The following ADARB1 variants were observed in gnomAD, a reference collection of about 807,000 sequenced individuals.
The protein encoded by ADARB1 is adenosine deaminase RNA specific B1.
Under a neutral mutation model 52.4 loss-of-function variants are expected in ADARB1, and 10 were observed. That is an observed-to-expected ratio of 0.19 (90% CI 0.12 to 0.32). The LOEUF is 0.32. ADARB1 is among the 10% of genes least tolerant of loss of function. ADARB1 has a pLI of 1.00. For synonymous variants in ADARB1, 349 were observed against 371.1 expected (o/e 0.94, Z 0.68); for missense variants, 643 against 922.3 (o/e 0.70, Z 3.92).
chr21:45,215,178 G>T (rs1466591945), intron 9 of ADARB1, among the ~76,000 whole-genome samples: 1 of 152,148 alleles, frequency 6.6e-6, no homozygotes, highest in Non-Finnish European at 1.5e-5. Flanking sequence ...CTCCTGAGTA[G>T]CTGGGACTAC....
intron 2 of ADARB1, among the ~76,000 whole-genome samples, chr21:45,140,683 T>A (rs2089673090): frequency 6.6e-6 from 1 of 152,168 alleles, no homozygotes; most frequent in Non-Finnish European, 1.5e-5. Flanking sequence ...GCCAGTTTCC[T>A]TCAGAAAGCT....
chr21:45,176,570 A>C lies in ADARB1; in HGVS notation c.869A>C (p.Gln290Pro). 1.2e-6 allele frequency: 2 copies of C among 1,614,210 alleles called. No homozygotes were observed. Among genetic ancestry groups the C allele is most frequent in the Non-Finnish European group, 1.7e-6 (2 of 1,180,036 alleles). Reference protein sequence around the residue: ...NKKLAKARAAQSALAAIFNLH... With the variant: ...NKKLAKARAAPSALAAIFNLH... ...AAGCTTGCCAAGGCCCGGGCTGCGC[A>C]GTCTGCCCTGGCCGCCATTTTTAAC... The change falls in exon 4 of 11, where the codon CAG (glutamine) becomes CCG (proline). Residue 290 changes from glutamine (Q) to proline (P), a missense_variant. Physicochemically the swap from Gln to Pro is moderately conservative, Grantham distance 76 (BLOSUM62 -1). Around this residue, in one of 2 missense-constraint regions of ADARB1, gnomAD observed 380 missense variants for 446.5 expected, o/e 0.85. Transcript: ENST00000348831. The surrounding 1 kb of genome is among the most constrained non-coding windows in gnomAD (Gnocchi z 5.8).
chr21:45,168,008 A>G (rs941099229), intron 2 of ADARB1, among the ~76,000 whole-genome samples: 8 of 151,440 alleles, frequency 5.3e-5, no homozygotes, highest in Non-Finnish European at 1.2e-4. Flanking sequence ...GGCTGTCACT[A>G]TCTTTAAAGC....
chr21:45,168,638 A>G (rs1023571138), intron 2 of ADARB1, among the ~76,000 whole-genome samples: 1 of 152,148 alleles, frequency 6.6e-6, no homozygotes, highest in African/African-American at 2.4e-5. Context: ...TCTCTGTGCT[A>G]TCCTCTTGTG....
chr21:45,194,313 G>C (rs983157), intron 8 of ADARB1, among the ~76,000 whole-genome samples: 81,018 of 151,972 alleles, frequency 0.53, 21,789 homozygotes, highest in South Asian at 0.57. Context: ...TTTACAATGG[G>C]GCTCACTCTT....
At chr21:45,084,441 TAGG>T (rs989505765) in intron 1 of ADARB1, among the ~76,000 whole-genome samples, 1 of 152,110 alleles carries the variant, frequency 6.6e-6, no homozygotes, top group African/African-American at 2.4e-5. Flanking sequence ...TAAGCGGGCT[TAGG>T]AGGCAGGATT....
intron 4 of ADARB1, among the ~76,000 whole-genome samples, chr21:45,178,690 C>A (rs2091803292): frequency 6.6e-6 from 1 of 152,172 alleles, no homozygotes; most frequent in South Asian, 2.1e-4. Flanking sequence ...GTCATCCCTG[C>A]GTGTCACTGC....
At position 45,225,551 on chromosome 21, in the gene ADARB1, A is replaced by G; in HGVS notation, c.*3354A>G. ...TCTCCTTGTAATCTCACACAGGTACACTGAGGAGGGGACGGCTCCGTCTTC... is the reference window on the plus strand; with the variant it reads ...TCTCCTTGTAATCTCACACAGGTACGCTGAGGAGGGGACGGCTCCGTCTTC... On this transcript the variant is annotated 3_prime_UTR_variant, in exon 11 of 11. Transcript: ENST00000348831. 7.5e-7 allele frequency: 1 copy of G among 1,340,654 alleles called. No individual in the cohort carries two copies. The highest frequency in any genetic ancestry group is 9.7e-7 in the Non-Finnish European group (1 of 1,033,636). 83.0% of individuals were successfully genotyped at this position (1,340,654 alleles called of 1,614,324 possible).
chr21:45,186,293 A>G (rs573176739), intron 8 of ADARB1, among the ~76,000 whole-genome samples: 6 of 152,070 alleles, frequency 3.9e-5, no homozygotes, highest in Admixed American at 2.6e-4. Flanking sequence ...ACTTTTGCAA[A>G]TCTTCCTTCA....
chr21:45,081,043 C>T (rs151110074), intron 1 of ADARB1, among the ~76,000 whole-genome samples: 2 of 151,982 alleles, frequency 1.3e-5, no homozygotes, highest in East Asian at 3.9e-4. Flanking sequence ...TCAGCCAATG[C>T]GATGAAATGT....
chr21:45,152,409 T>G (rs1018581216), intron 2 of ADARB1, among the ~76,000 whole-genome samples: 1 of 152,110 alleles, frequency 6.6e-6, no homozygotes, highest in Non-Finnish European at 1.5e-5. Context: ...GTCATTGTGG[T>G]GTGTGGGCCC....
intron 1 of ADARB1, among the ~76,000 whole-genome samples, chr21:45,092,865 A>G (rs894910628): frequency 1.4e-4 from 21 of 151,634 alleles, no homozygotes; most frequent in Non-Finnish European, 2.9e-4. Flanking sequence ...GTAAAATAGG[A>G]GTAATTCATT....
rs139263374 is a variant in ADARB1 at position 45,176,490 on chromosome 21, C to T, written c.789C>T (p.Phe263=). 61 of 1,613,934 alleles carry T rather than the reference C, an allele frequency of 3.8e-5. No homozygotes were observed. The highest frequency in any genetic ancestry group is 1.6e-4 in the Middle Eastern group (1 of 6,084). ...SESGESHAKS[F]VMSVVVDGQF... ...GCGGGGAGAGCCATGCCAAGAGCTT[C>T]GTCATGTCTGTGGTCGTGGATGGTC... The change falls in exon 4 of 11, where the codon TTC becomes TTT. Residue 263 remains phenylalanine, a synonymous_variant. Coordinates refer to ENST00000348831, the MANE Select transcript of ADARB1 (RefSeq NM_001112.4). The surrounding 1 kb of genome is among the most constrained non-coding windows in gnomAD (Gnocchi z 5.8).
intron 2 of ADARB1, among the ~76,000 whole-genome samples, chr21:45,131,390 G>A (rs1426498538): frequency 6.6e-6 from 1 of 152,238 alleles, no homozygotes; most frequent in Non-Finnish European, 1.5e-5. Context: ...AACATTGAGT[G>A]TATGTTAAAA....
chr21:45,162,738 A>G (rs2091039224), intron 2 of ADARB1, among the ~76,000 whole-genome samples: 1 of 152,162 alleles, frequency 6.6e-6, no homozygotes, highest in Admixed American at 6.5e-5. Context: ...CTAGCACTGA[A>G]TCACCAGGGC....
intron 1 of ADARB1, among the ~76,000 whole-genome samples, chr21:45,077,975 C>T (rs1248084924): frequency 1.3e-5 from 2 of 152,172 alleles, no homozygotes; most frequent in Non-Finnish European, 1.5e-5. Context: ...GGGCTTACCG[C>T]ACCTTCCATT....
At chr21:45,211,783 C>T (rs2838817) in intron 9 of ADARB1, among the ~76,000 whole-genome samples, 36,043 of 152,090 alleles carry the variant, frequency 0.24, 5,143 homozygotes, top group South Asian at 0.4. Flanking sequence ...TTCTGTACCG[C>T]GGCCTGGGAT....
At chr21:45,075,525 G>C (rs2085895002) in intron 1 of ADARB1, among the ~76,000 whole-genome samples, 1 of 152,282 alleles carries the variant, frequency 6.6e-6, no homozygotes, top group Admixed American at 6.5e-5. Context: ...GGCCAGGGAA[G>C]TTCCTGCGGG....
intron 8 of ADARB1, among the ~76,000 whole-genome samples, chr21:45,186,780 A>C (rs1031924264): frequency 1.3e-5 from 2 of 152,122 alleles, no homozygotes; most frequent in Non-Finnish European, 2.9e-5. Context: ...GAGAAGATGC[A>C]GTGTCTTTTG....
Sources: gnomAD v4.1 joint callset for allele counts (sites outside exome capture counted in the v4.1 genomes callset) on GRCh38, gnomAD v4.1.1 for gene constraint, gnomAD v4.1.1 regional missense constraint, Gnocchi (gnomAD v3.1) non-coding constraint, MANE v1.5 for transcripts, NCBI Gene and HGNC (gene_info 2026-07-23, HGNC 2026-07-21) for gene names.